The following TSC1 variants were observed in gnomAD, a reference collection of about 807,000 sequenced individuals.
TSC1 encodes the protein hamartin.
A neutral mutation model predicts 124.3 loss-of-function variants in TSC1; 20 were observed. The observed-to-expected ratio is 0.16, with a 90% CI of 0.11 to 0.23. TSC1 has a LOEUF of 0.23. Ranked by LOEUF, TSC1 falls within the 10% of genes least tolerant of loss-of-function variation. The probability of loss-of-function intolerance (pLI) is 1.00; values close to 1 mark genes in which losing one functional copy is unlikely to be tolerated. For missense variants in TSC1, 1,124 were observed against 1,448.5 expected, an observed-to-expected ratio of 0.78 and a Z score of 3.64; for synonymous variants, 493 against 539.1, an observed-to-expected ratio of 0.91 and a Z score of 1.19.
At chr9:132,926,685 C>CT (rs77475409) in intron 4 of TSC1, 133 of 160,310 alleles carry the variant, frequency 8.3e-4, no homozygotes, top group Middle Eastern at 3.3e-3. Context: ...TAAACAAGAT[C>CT]TTTTTTTTTT....
rs576831542 is a variant in TSC1 at position 132,895,661 on chromosome 9, G to A, written c.*574C>T. ...AAAAGAATGCAAGTATGAATAAACCGTTGTTCTTCTAGACCTGCTGCTTTA... is the reference window on the plus strand; with the variant it reads ...AAAAGAATGCAAGTATGAATAAACCATTGTTCTTCTAGACCTGCTGCTTTA... On this transcript the variant is annotated 3_prime_UTR_variant, in exon 23 of 23. Transcript: ENST00000298552. 4.2e-5 allele frequency: 10 copies of A among 237,222 alleles called. No individual in the cohort carries two copies. In the East Asian group the frequency reaches 5.4e-4, roughly 13 times the overall value. The allele number at this position is 237,222 out of a possible 1,614,324, so 14.7% of individuals were successfully genotyped here.
At position 132,928,941 on chromosome 9, in the gene TSC1, G is replaced by T; in HGVS notation, c.-69C>A. On this transcript the variant is annotated 5_prime_UTR_variant, in exon 3 of 23. Transcript: ENST00000298552. Reference sequence around the variant, plus strand: ...CAGGTTCTGAAGGTTCTTCATTGGGGCCACTACCAAACTGAGAAAAAGGAA... The same window carrying T: ...CAGGTTCTGAAGGTTCTTCATTGGGTCCACTACCAAACTGAGAAAAAGGAA... 5 of 1,605,970 alleles carry T rather than the reference G, an allele frequency of 3.1e-6. No individual in the cohort carries two copies. Among genetic ancestry groups the T allele is most frequent in the Admixed American group, 1.7e-5 (1 of 59,098 alleles).
In TSC1 at chr9:132,903,798, C is replaced by G. The variant is rs1321298515; in HGVS notation, c.2061G>C (p.Glu687Asp). The change falls in exon 17 of 23, where the codon GAG becomes GAC. Residue 687 changes from glutamate to aspartate, a missense_variant. Physicochemically the swap from Glu to Asp is conservative, Grantham distance 45. Coordinates refer to ENST00000298552, the MANE Select transcript of TSC1 (RefSeq NM_000368.5). This position sits in a 1 kb window ranked among gnomAD's most constrained non-coding sequence, Gnocchi z 5.9. ...THFGGSPPSD[E>D]IRTLRDQLLL... ...GCAACTGGTCTCGGAGGGTGCGGAT[C>G]TCATCTGAAGGAGGAGAGCCTGATT... 6.2e-7 allele frequency: 1 copy of G among 1,613,850 alleles called. No individual in the cohort carries two copies. Among genetic ancestry groups the G allele is most frequent in the East Asian group, 2.2e-5 (1 of 44,900 alleles).
intron 12 of TSC1, among the ~76,000 whole-genome samples, chr9:132,909,193 C>T (rs1315065392): frequency 6.6e-6 from 1 of 152,288 alleles, no homozygotes; most frequent in African/African-American, 2.4e-5. Flanking sequence ...TAAGCCACTG[C>T]GCCCAGCCTG....
chr9:132,927,989 C>A (rs1846981348), intron 3 of TSC1, among the ~76,000 whole-genome samples: 1 of 152,152 alleles, frequency 6.6e-6, no homozygotes, highest in South Asian at 2.1e-4. Flanking sequence ...TCTTCAAACC[C>A]TTTTCTACTT....
In TSC1 at chr9:132,894,738, G is replaced by A. The variant is rs1844944713; in HGVS notation, c.*1497C>T. 2 of 215,150 alleles carry A rather than the reference G, an allele frequency of 9.3e-6. No homozygotes were observed. The highest frequency in any genetic ancestry group is 2.3e-5 in the African/African-American group (1 of 44,126). The allele number at this position is 215,150 out of a possible 1,614,324, so 13.3% of individuals were successfully genotyped here. Reference sequence around the variant, plus strand: ...AAAGACTTTCATTCTCTCTGCTCGAGGCCTCCGTGGGCACTAAGATTTCGT... The same window carrying A: ...AAAGACTTTCATTCTCTCTGCTCGAAGCCTCCGTGGGCACTAAGATTTCGT... On this transcript the variant is annotated 3_prime_UTR_variant, in exon 23 of 23. Transcript: ENST00000298552.
chr9:132,941,216 T>C (rs980559949), intron 1 of TSC1: 1 of 152,252 alleles, frequency 6.6e-6, no homozygotes, highest in African/African-American at 2.4e-5. Flanking sequence ...TGATTCCATG[T>C]TCATAATAAA....
chr9:132,915,886 A>G (rs1846250775), intron 8 of TSC1, among the ~76,000 whole-genome samples: 1 of 152,198 alleles, frequency 6.6e-6, no homozygotes, highest in Non-Finnish European at 1.5e-5. Context: ...CTGGGTTCTC[A>G]CTGCCTGTGG....
At position 132,905,733 on chromosome 9, in the gene TSC1, T is replaced by C. The variant is rs1461896725; in HGVS notation, c.1845A>G (p.Thr615=). Residue 615 remains threonine, a synonymous_variant, in exon 15 of 23, where the codon ACA becomes ACG. Coordinates refer to ENST00000298552, the MANE Select transcript of TSC1 (RefSeq NM_000368.5). ...TCTTCCTGATGACAAAATGATGGGC[T>C]GTCTTTGGCAATGCCACCTCAAAAA... ...DHLFEVALPK[T]AHHFVIRKTE... is the part of the protein sequence containing the mutation. 1 of 1,614,082 alleles carries C rather than the reference T, an allele frequency of 6.2e-7. No homozygotes were observed. Among genetic ancestry groups the C allele is most frequent in the Non-Finnish European group, 8.5e-7 (1 of 1,180,038 alleles).
intron 11 of TSC1, 22 bp from the exon 12 acceptor site, chr9:132,910,714 T>C (rs2131949144): frequency 1.9e-6 from 3 of 1,610,382 alleles, no homozygotes; most frequent in Non-Finnish European, 2.5e-6. Context: ...GGGCAGAACA[T>C]ATATGAACAC....
chr9:132,920,422 G>A (rs1487603901), intron 8 of TSC1, among the ~76,000 whole-genome samples: 1 of 152,106 alleles, frequency 6.6e-6, no homozygotes, highest in African/African-American at 2.4e-5. Context: ...GAGCCTCTAA[G>A]GTACCAGTAA....
chr9:132,906,249 GA>G lies in TSC1; in HGVS notation c.1439-111del. On this transcript the variant is annotated intron_variant, in intron 14 of 22. Transcript: ENST00000298552. This position sits in a 1 kb window ranked among gnomAD's most constrained non-coding sequence, Gnocchi z 4.1. ...ATGCCAGTGTCACTCAGAGAGAGGAGAAAAAGTGGCATCCGGCTGGACACAG... is the reference window on the plus strand; with the variant it reads ...ATGCCAGTGTCACTCAGAGAGAGGAGAAAAGTGGCATCCGGCTGGACACAG... 7.8e-7 allele frequency: 1 copy of G among 1,283,506 alleles called. No homozygotes were observed. Among genetic ancestry groups the G allele is most frequent in the Non-Finnish European group, 1.1e-6 (1 of 911,120 alleles). The allele number at this position is 1,283,506 out of a possible 1,614,324, so 79.5% of individuals were successfully genotyped here.
chr9:132,908,477 G>C (rs1274783905), intron 12 of TSC1, among the ~76,000 whole-genome samples: 3 of 152,214 alleles, frequency 2.0e-5, no homozygotes, highest in Non-Finnish European at 4.4e-5. Context: ...TTTTGAGACA[G>C]GGTCTGGCTC....
chr9:132,942,414 C>G (rs1847789609), intron 1 of TSC1: 1 of 152,158 alleles, frequency 6.6e-6, no homozygotes, highest in Non-Finnish European at 1.5e-5. Flanking sequence ...TCGTTTCCAC[C>G]AAGTTCATTA....
At chr9:132,907,241 A>C in intron 13 of TSC1, 60 bp downstream of exon 13, 1 of 1,419,156 alleles carries the variant, frequency 7.0e-7, no homozygotes, top group Non-Finnish European at 1.0e-6. Flanking sequence ...TTCTTTTCTT[A>C]AACACATATA....
At chr9:132,943,911 G>A (rs954040365) in intron 1 of TSC1, 1 of 152,296 alleles carries the variant, frequency 6.6e-6, no homozygotes, top group Admixed American at 6.5e-5. Context: ...GAACGCCTAG[G>A]AGGGGCTCTG....
chr9:132,896,409 G>A lies in TSC1; in HGVS notation c.3321C>T (p.Asp1107=), dbSNP rs118203752. The change falls in exon 23 of 23, where the codon GAC becomes GAT. Residue 1107 remains aspartate, a synonymous_variant. Coordinates refer to ENST00000298552, the MANE Select transcript of TSC1 (RefSeq NM_000368.5). This position sits in a 1 kb window ranked among gnomAD's most constrained non-coding sequence, Gnocchi z 4.5. ...RNKSESQCDE[D]GMTSSLSESL... ...TCTCAGAAAGGCTACTGGTCATGCCGTCCTCATCACACTGGCTCTCGCTCT... is the reference window on the plus strand; with the variant it reads ...TCTCAGAAAGGCTACTGGTCATGCCATCCTCATCACACTGGCTCTCGCTCT... 23 of 1,614,178 alleles carry A rather than the reference G, an allele frequency of 1.4e-5. No homozygotes were observed. The highest frequency in any genetic ancestry group is 2.7e-5 in the African/African-American group (2 of 75,048).
intron 9 of TSC1, 56 bp from the exon 10 acceptor site, chr9:132,911,624 TTAAAAAA>T: frequency 6.6e-6 from 2 of 301,834 alleles, no homozygotes; most frequent in Non-Finnish European, 5.4e-6. Flanking sequence ...GTTATTCTGG[TTAAAAAA>T]AAAAAAAAAA....
intron 12 of TSC1, chr9:132,909,618 G>A (rs913128094): frequency 6.6e-6 from 1 of 152,168 alleles, no homozygotes; most frequent in Non-Finnish European, 1.5e-5. Context: ...ATGAAAAAAG[G>A]CAGCTACTTC....
Sources: allele counts gnomAD v4.1 joint callset (sites outside exome capture counted in the v4.1 genomes callset), GRCh38; gene constraint gnomAD v4.1.1; non-coding constraint Gnocchi (gnomAD v3.1); transcripts MANE v1.5; gene names NCBI Gene and HGNC (gene_info 2026-07-23, HGNC 2026-07-21).